ATP5MF: variants seen among roughly 807,000 people sequenced by gnomAD.
ATP5MF encodes ATP synthase membrane subunit f, also known as ATP synthase F(0) complex subunit f, mitochondrial.
A neutral mutation model predicts 13.8 loss-of-function variants in ATP5MF; 10 were observed. The observed-to-expected ratio is 0.72, with a 90% CI of 0.45 to 1.23. ATP5MF has a LOEUF of 1.23. ATP5MF is among the 50% of genes most tolerant of loss of function. The pLI is 0.00. For missense variants in ATP5MF, 122 were observed against 118.2 expected, an observed-to-expected ratio of 1.03 and a Z score of -0.15; for synonymous variants, 40 against 45.8, an observed-to-expected ratio of 0.87 and a Z score of 0.51.
At chr7:99,464,905 T>G (rs1798787132) in intron 1 of ATP5MF, among the ~76,000 whole-genome samples, 1 of 150,514 alleles carries the variant, frequency 6.6e-6, no homozygotes, top group African/African-American at 2.5e-5. Context: ...GAGGCAGAGG[T>G]TGCAGAGACG....
intron 1 of ATP5MF, among the ~76,000 whole-genome samples, chr7:99,465,751 G>A (rs554470107): frequency 6.6e-6 from 1 of 152,290 alleles, no homozygotes; most frequent in Admixed American, 6.5e-5. Flanking sequence ...TAAGCCTTGG[G>A]AAAAAAGGGC....
chr7:99,459,184 G>A lies in ATP5MF; in HGVS notation c.219C>T (p.Tyr73=), dbSNP rs550205374. 3.5e-4 allele frequency: 565 copies of A among 1,614,116 alleles called. 6 individuals carry two copies. The South Asian group carries it at 4.7e-3, about 14-fold the overall frequency. The change falls in exon 3 of 4, where the codon TAC becomes TAT. Residue 73 remains tyrosine, a synonymous_variant. Transcript: ENST00000292475. ...AGGAAAAGGAGTAGCTAAAGAGCAC[G>A]TAGCATGCCAGCACCATGGTAATCC... ...ISGITMVLAC[Y]VLFSYSFSYK...
chr7:99,458,385 T>G, intron 3 of ATP5MF, 30 bp from the exon 4 acceptor site: 1 of 1,597,556 alleles, frequency 6.3e-7, no homozygotes, highest in Non-Finnish European at 8.5e-7. Context: ...ATGGTAAGTA[T>G]CTTAAAAGGT....
chr7:99,459,902 C>A, intron 2 of ATP5MF, 184 bp downstream of exon 2: 2 of 645,324 alleles, frequency 3.1e-6, no homozygotes, highest in Non-Finnish European at 5.3e-6. Context: ...TATCTCAGAG[C>A]CAGCCTTTGA....
intron 3 of ATP5MF, among the ~76,000 whole-genome samples, chr7:99,458,607 A>G (rs1382830042): frequency 6.6e-6 from 1 of 152,128 alleles, no homozygotes; most frequent in Non-Finnish European, 1.5e-5. Flanking sequence ...TCAGACAAAC[A>G]GCCCCAGAGA....
At chr7:99,459,108 T>A (rs781749763) in intron 3 of ATP5MF, 39 bp downstream of exon 3, 1 of 1,503,826 alleles carries the variant, frequency 6.6e-7, no homozygotes, top group Non-Finnish European at 9.2e-7. Context: ...CACCACCCTC[T>A]CATGGGAACT....
chr7:99,459,634 T>A, intron 2 of ATP5MF: 1 of 248,542 alleles, frequency 4.0e-6, no homozygotes, highest in East Asian at 1.1e-4. Context: ...CCTAGGCTGG[T>A]CTAAACTCGG....
chr7:99,458,595 G>A (rs934086888), intron 3 of ATP5MF, among the ~76,000 whole-genome samples: 6 of 152,064 alleles, frequency 3.9e-5, no homozygotes, highest in South Asian at 2.1e-4. Flanking sequence ...GGGAACACAC[G>A]CTCAGACAAA....
chr7:99,460,195 T>C lies in ATP5MF; in HGVS notation c.32-2A>G. The C allele has an allele frequency of 1.2e-6, 2 of 1,613,880 alleles. No individual in the cohort carries two copies. Among genetic ancestry groups the C allele is most frequent in the South Asian group, 1.1e-5 (1 of 90,964 alleles). Reference sequence around the variant, plus strand: ...GAAGTTTCTTGTCCTTCACTGGTACTGAAACGGAAGAGTGAGAAAAAATAC... The same window carrying C: ...GAAGTTTCTTGTCCTTCACTGGTACCGAAACGGAAGAGTGAGAAAAAATAC... On this transcript the variant is annotated splice_acceptor_variant, in intron 1 of 3. Coordinates refer to ENST00000292475, the MANE Select transcript of ATP5MF (RefSeq NM_004889.5). LOFTEE classifies it high-confidence loss of function.
intron 2 of ATP5MF, chr7:99,459,523 T>C (rs1798502625): frequency 6.9e-6 from 3 of 433,144 alleles, no homozygotes; most frequent in Admixed American, 7.6e-5. Context: ...GGCTGTGAGC[T>C]TATAGCCTCC....
chr7:99,465,977 G>C, intron 1 of ATP5MF, 134 bp downstream of exon 1: 1 of 1,472,890 alleles, frequency 6.8e-7, no homozygotes, highest in Non-Finnish European at 9.2e-7. Flanking sequence ...GCGGGGTCTG[G>C]CGCGCCTCAA....
At chr7:99,464,137 G>C (rs561086385) in intron 1 of ATP5MF, among the ~76,000 whole-genome samples, 1 of 152,314 alleles carries the variant, frequency 6.6e-6, no homozygotes, top group South Asian at 2.1e-4. Context: ...TGTGGGCCAC[G>C]CAGCGTTCCA....
intron 1 of ATP5MF, among the ~76,000 whole-genome samples, chr7:99,465,197 T>G (rs189511303): frequency 8.0e-5 from 12 of 149,432 alleles, no homozygotes; most frequent in Non-Finnish European, 1.8e-4. Flanking sequence ...AGGCAAAGGT[T>G]ACAGTGAGCC....
In ATP5MF at chr7:99,459,345, T is replaced by G. The variant is rs115398130; in HGVS notation, c.140-82A>C. On this transcript the variant is annotated intron_variant, in intron 2 of 3. Coordinates refer to ENST00000292475, the MANE Select transcript of ATP5MF (RefSeq NM_004889.5). ...AGCACACAGTTGAGTCTGGCTGACA[T>G]TCAGGGACCTAGTCCTGCTCTGGCT... 3.0e-6 allele frequency: 3 copies of G among 1,007,886 alleles called. No homozygotes were observed. In the African/African-American group the frequency reaches 4.7e-5, roughly 16 times the overall value. The allele number at this position is 1,007,886 out of a possible 1,614,324, so 62.4% of individuals were successfully genotyped here.
In ATP5MF at chr7:99,458,369, G is replaced by A; in HGVS notation, c.257-14C>T. The A allele has an allele frequency of 6.2e-7, 1 of 1,604,896 alleles. No individual in the cohort carries two copies. Among genetic ancestry groups the A allele is most frequent in the Non-Finnish European group, 8.5e-7 (1 of 1,176,766 alleles). On this transcript the variant is annotated splice_polypyrimidine_tract_variant and intron_variant, in intron 3 of 3. Coordinates refer to ENST00000292475, the MANE Select transcript of ATP5MF (RefSeq NM_004889.5). Reference sequence around the variant, plus strand: ...GCCGCTCGTGCTCTGAAGTCAGGAAGGCAAGATGGTAAGTATCTTAAAAGG... The same window carrying A: ...GCCGCTCGTGCTCTGAAGTCAGGAAAGCAAGATGGTAAGTATCTTAAAAGG...
intron 1 of ATP5MF, among the ~76,000 whole-genome samples, chr7:99,464,574 A>G (rs915312401): frequency 3.9e-5 from 6 of 152,012 alleles, no homozygotes; most frequent in Non-Finnish European, 8.8e-5. Flanking sequence ...GAGGCAGGAG[A>G]ATGGCGTGAA....
chr7:99,462,055 A>C (rs1418526442), intron 1 of ATP5MF, among the ~76,000 whole-genome samples: 3 of 152,104 alleles, frequency 2.0e-5, no homozygotes, highest in African/African-American at 7.2e-5. Flanking sequence ...AGGGGCTGGC[A>C]TGGAGCCTGG....
chr7:99,462,515 G>A (rs1197802793), intron 1 of ATP5MF, among the ~76,000 whole-genome samples: 2 of 152,070 alleles, frequency 1.3e-5, no homozygotes, highest in South Asian at 2.1e-4. Context: ...GGTGGCTCAC[G>A]CCTGTAATCC....
chr7:99,460,505 T>C (rs1233720920), intron 1 of ATP5MF: 5 of 598,742 alleles, frequency 8.4e-6, no homozygotes, highest in Non-Finnish European at 1.6e-5. Flanking sequence ...GAAAGATTAC[T>C]GCAAAGCTAA....
Sources: allele counts gnomAD v4.1 joint callset (sites outside exome capture counted in the v4.1 genomes callset), GRCh38; gene constraint gnomAD v4.1.1; transcripts MANE v1.5; gene names NCBI Gene and HGNC (gene_info 2026-07-23, HGNC 2026-07-21).